The following NAALADL1 variants were observed in gnomAD, a reference collection of about 807,000 sequenced individuals.
The protein encoded by NAALADL1 is aminopeptidase NAALADL1.
NAALADL1 carries 77 observed loss-of-function variants against 82.8 expected under a neutral mutation model. That is an observed-to-expected ratio of 0.93 (90% CI 0.77 to 1.12). The LOEUF (loss-of-function observed/expected upper bound fraction) is 1.12. Among genes scored for constraint, NAALADL1 ranks in the 50% most tolerant of loss-of-function variants. The probability of loss-of-function intolerance (pLI) is 0.00; values close to 1 mark genes in which losing one functional copy is unlikely to be tolerated. For synonymous variants in NAALADL1, 358 were observed against 399.2 expected (o/e 0.90, Z 1.23); for missense variants, 956 against 964.0 (o/e 0.99, Z 0.11).
At chr11:65,047,364 G>A in intron 13 of NAALADL1, 111 bp downstream of exon 13, 1 of 857,108 alleles carries the variant, frequency 1.2e-6, no homozygotes, top group Non-Finnish European at 1.8e-6. Context: ...ACTTGGCAGA[G>A]GTAGCAATGA....
Position 65,044,994 on chromosome 11 carries a change from C to A in NAALADL1, c.*277G>T. The A allele has an allele frequency of 1.6e-6, 1 of 609,012 alleles. No homozygotes were observed. The highest frequency in any genetic ancestry group is 2.9e-6 in the Non-Finnish European group (1 of 350,506). 37.7% of individuals were successfully genotyped at this position (609,012 alleles called of 1,614,324 possible). ...TGAGTTGGCATCTGAGGTTGGCACG[C>A]ATCCCATCTCCACCCACCTGCCACC... On this transcript the variant is annotated 3_prime_UTR_variant, in exon 18 of 18. Coordinates refer to ENST00000358658, the MANE Select transcript of NAALADL1 (RefSeq NM_005468.3). This position sits in a 1 kb window ranked among gnomAD's most constrained non-coding sequence, Gnocchi z 4.0.
intron 8 of NAALADL1, among the ~76,000 whole-genome samples, chr11:65,049,729 G>T (rs1946834976): frequency 6.6e-6 from 1 of 152,078 alleles, no homozygotes; most frequent in South Asian, 2.1e-4. Context: ...AAAGTATCAG[G>T]GCTTGGTGGC....
At chr11:65,048,406 G>T (rs1328710384) in intron 8 of NAALADL1, 21 bp from the exon 9 acceptor site, 2 of 1,613,820 alleles carry the variant, frequency 1.2e-6, no homozygotes, top group South Asian at 2.2e-5. Flanking sequence ...GGGATAGAGG[G>T]TTGGAGGACA....
chr11:65,053,994 A>G lies in NAALADL1; in HGVS notation c.992+256T>C, dbSNP rs530972811. On this transcript the variant is annotated intron_variant, in intron 6 of 17. Coordinates refer to ENST00000358658, the MANE Select transcript of NAALADL1 (RefSeq NM_005468.3). This position sits in a 1 kb window ranked among gnomAD's most constrained non-coding sequence, Gnocchi z 4.3. Reference sequence around the variant, plus strand: ...TGGGAAGGAGCTTGGCATCTTCAAGAGAGGGAGTCGTGAGTTACAGACGTC... The same window carrying G: ...TGGGAAGGAGCTTGGCATCTTCAAGGGAGGGAGTCGTGAGTTACAGACGTC... 6.6e-6 allele frequency among the ~76,000 whole-genome samples: 1 copy of G among 152,116 alleles called. No individual in the cohort carries two copies. The highest frequency in any genetic ancestry group is 2.1e-4 in the South Asian group (1 of 4,806).
At chr11:65,045,570 C>T (rs765813384) in intron 17 of NAALADL1, 113 bp from the exon 18 acceptor site, 192 of 1,176,874 alleles carry the variant, frequency 1.6e-4, no homozygotes, top group Middle Eastern at 2.9e-4. Flanking sequence ...AAAGCACCCC[C>T]GTCCACTTGT....
intron 17 of NAALADL1, 119 bp downstream of exon 17, chr11:65,045,703 C>T: frequency 9.4e-7 from 1 of 1,063,196 alleles, no homozygotes; most frequent in Non-Finnish European, 1.4e-6. Context: ...ACATTCCCAT[C>T]TTCTTCAGGG....
rs1475695650 is a variant in NAALADL1 at position 65,046,361 on chromosome 11, G to A, written c.1683C>T (p.Gly561=). ...FDYVDKFLDP[G]FSSHQAVART... is the part of the protein sequence containing the mutation. ...GGGCCACAGCCTGATGGCTGCTGAA[G>A]CCTGCGGCAAGGTGACAAGGCCAGG... The change falls in exon 15 of 18, where the codon GGC becomes GGT. Residue 561 remains glycine (G), a splice_region_variant and synonymous_variant. Coordinates refer to ENST00000358658, the MANE Select transcript of NAALADL1 (RefSeq NM_005468.3). The A allele has an allele frequency of 6.2e-7, 1 of 1,614,124 alleles. No homozygotes were observed. Among genetic ancestry groups the A allele is most frequent in the Non-Finnish European group, 8.5e-7 (1 of 1,180,054 alleles).
Position 65,053,101 on chromosome 11 carries a change from C to T in NAALADL1, c.1198+117G>A. 7.7e-7 allele frequency: 1 copy of T among 1,304,816 alleles called. No homozygotes were observed. Among genetic ancestry groups the T allele is most frequent in the East Asian group, 2.5e-5 (1 of 39,616 alleles). 80.8% of individuals were successfully genotyped at this position (1,304,816 alleles called of 1,614,324 possible). A position where few individuals can be genotyped will look rare whatever the true frequency, so the allele number is the denominator to read the frequency against. On this transcript the variant is annotated intron_variant, in intron 8 of 17. Transcript: ENST00000358658. This position sits in a 1 kb window ranked among gnomAD's most constrained non-coding sequence, Gnocchi z 4.3. ...CCAAGGCTGGTGTCATGCATGTCTG[C>T]CCCCAGGGCCCTCAGGCATGGCACA...
In NAALADL1 at chr11:65,054,577, G is replaced by T. The variant is rs771771924; in HGVS notation, c.765C>A (p.Asp255Glu). 6.2e-7 allele frequency: 1 copy of T among 1,613,776 alleles called. No homozygotes were observed. Among genetic ancestry groups the T allele is most frequent in the East Asian group, 2.2e-5 (1 of 44,866 alleles). The change falls in exon 5 of 18, where the codon GAC (aspartate) becomes GAA (glutamate). Residue 255 changes from aspartate to glutamate, a missense_variant. Asp to Glu is a conservative substitution (Grantham distance 45, BLOSUM62 2). Transcript: ENST00000358658. The surrounding 1 kb of genome is among the most constrained non-coding windows in gnomAD (Gnocchi z 4.3). ...CGGCTGGAAGGTAGGGAGTCAGAGG[G>T]TCCCCAAAATACTCGTAGTAGGAGC... ...ERGSYYEYFG[D>E]PLTPYLPAVP...
At chr11:65,060,974 G>T (rs1188902601), upstream of NAALADL1, among the ~76,000 whole-genome samples, 1 of 151,944 alleles carries the variant, frequency 6.6e-6, no homozygotes, top group Non-Finnish European at 1.5e-5. Context: ...ACTTGCCTCC[G>T]TCCCACCCTC....
Position 65,057,457 on chromosome 11 carries a change from C to G in NAALADL1, c.517G>C (p.Asp173His), listed in dbSNP as rs1387054161. The G allele has an allele frequency of 6.2e-7, 1 of 1,614,192 alleles. No individual in the cohort carries two copies. Among genetic ancestry groups the G allele is most frequent in the Non-Finnish European group, 8.5e-7 (1 of 1,180,024 alleles). Residue 173 changes from aspartate to histidine, a missense_variant, in exon 4 of 18, where the codon GAC becomes CAC. Physicochemically the swap from Asp to His is moderately conservative, Grantham distance 81. Transcript: ENST00000358658. ...CCCTGAGTCTGTAGCTCCTTAAAGT[C>G]TTCTTCCGCGCCCCGGTTGGCATAG... ...LVYANRGAEE[D>H]FKELQTQGIK...
chr11:65,054,611 A>T lies in NAALADL1; in HGVS notation c.731T>A (p.Val244Glu). 1 of 1,613,770 alleles carries T rather than the reference A, an allele frequency of 6.2e-7. No individual in the cohort carries two copies. The highest frequency in any genetic ancestry group is 8.5e-7 in the Non-Finnish European group (1 of 1,179,872). Residue 244 changes from valine to glutamate, a missense_variant, in exon 5 of 18, where the codon GTG becomes GAG. Transcript: ENST00000358658. This position sits in a 1 kb window ranked among gnomAD's most constrained non-coding sequence, Gnocchi z 4.3. ...ATACTCGTAGTAGGAGCCTCGCTCC[A>T]CTCCTGAGGGGGGCAGGTACCAGGA... ...PNSWYLPPSG[V>E]ERGSYYEYFG... is the part of the protein sequence containing the mutation.
chr11:65,057,365 A>C lies in NAALADL1; in HGVS notation c.603+6T>G, dbSNP rs200575617. 8.6e-5 allele frequency: 138 copies of C among 1,602,308 alleles called. No individual in the cohort carries two copies. Among genetic ancestry groups the C allele is most frequent in the Non-Finnish European group, 1.1e-4 (134 of 1,174,662 alleles). On this transcript the variant is annotated splice_donor_region_variant and intron_variant, in intron 4 of 17. Transcript: ENST00000358658. ...AGGCCTCCTGCACTGGGGGACTGCC[A>C]CTCACCTTGGCCCCACGCCCTACAC...
rs1217428770 is a variant in NAALADL1 at position 65,044,904 on chromosome 11, A to G, written c.*367T>C. On this transcript the variant is annotated 3_prime_UTR_variant, in exon 18 of 18. Coordinates refer to ENST00000358658, the MANE Select transcript of NAALADL1 (RefSeq NM_005468.3). The surrounding 1 kb of genome is among the most constrained non-coding windows in gnomAD (Gnocchi z 4.0). ...ACACAGCATGCAGGGAGAGGAACGC[A>G]GACTAGCCAAGGCCTAAGGTACCCC... 2 of 747,364 alleles carry G rather than the reference A, an allele frequency of 2.7e-6. No homozygotes were observed. The highest frequency in any genetic ancestry group is 3.5e-5 in the African/African-American group (2 of 56,620). 46.3% of individuals were successfully genotyped at this position (747,364 alleles called of 1,614,324 possible).
In NAALADL1 at chr11:65,057,750, G is replaced by A. The variant is rs769003871; in HGVS notation, c.480+125C>T. On this transcript the variant is annotated intron_variant, in intron 3 of 17. Transcript: ENST00000358658. ...GAAAGGAGCAGCGATGGAGTGTCCC[G>A]GTGAGTAAATTCCGGAGGGCGCGCT... 9.9e-5 allele frequency: 141 copies of A among 1,426,846 alleles called. 2 individuals are homozygous for A. In the Admixed American group the frequency reaches 1.4e-3, roughly 15 times the overall value. 88.4% of individuals were successfully genotyped at this position (1,426,846 alleles called of 1,614,324 possible).
chr11:65,050,558 A>G (rs1010198196), intron 8 of NAALADL1, among the ~76,000 whole-genome samples: 90 of 151,470 alleles, frequency 5.9e-4, no homozygotes, highest in African/African-American at 2.0e-3. Context: ...GGAAGGCCAG[A>G]GCGGGTGGAT....
rs780618888 is a variant in NAALADL1 at position 65,057,392 on chromosome 11, C to A, written c.582G>T (p.Gly194=). 49 of 1,613,906 alleles carry A rather than the reference C, an allele frequency of 3.0e-5. No individual in the cohort carries two copies. The highest frequency in any genetic ancestry group is 4.0e-5 in the Non-Finnish European group (47 of 1,179,866). ...TCACCTTGGCCCCACGCCCTACACC[C>A]CCATATCGAGTCAGGGCAATGGTGC... The part of the protein sequence containing the change: ...LEGTIALTRY[G]GVGRGAKAVN... Residue 194 remains glycine, a synonymous_variant, in exon 4 of 18, where the codon GGG becomes GGT. Coordinates refer to ENST00000358658, the MANE Select transcript of NAALADL1 (RefSeq NM_005468.3).
chr11:65,045,808 T>G lies in NAALADL1; in HGVS notation c.2036+14A>C, dbSNP rs774587961. On this transcript the variant is annotated intron_variant, in intron 17 of 17. Coordinates refer to ENST00000358658, the MANE Select transcript of NAALADL1 (RefSeq NM_005468.3). ...CACCTGGAGGCACCTCCCAGGACTC[T>G]GGGACAGACTCACCTGTAGTAGCGT... 14 of 1,613,222 alleles carry G rather than the reference T, an allele frequency of 8.7e-6. No homozygotes were observed. In the South Asian group the frequency reaches 1.5e-4, roughly 18 times the overall value.
At position 65,058,033 on chromosome 11, in the gene NAALADL1, C is replaced by T. The variant is rs1428838443; in HGVS notation, c.359-37G>A. On this transcript the variant is annotated intron_variant, in intron 2 of 17. Transcript: ENST00000358658. ...GTGGCAGTATCATGGCTGGGCCCAG[C>T]AGCTCCCCACCCCCGGGCATTCCCA... 3.1e-6 allele frequency: 5 copies of T among 1,613,420 alleles called. 1 individual carries two copies. The highest frequency in any genetic ancestry group is 4.2e-6 in the Non-Finnish European group (5 of 1,179,508).
Sources: gnomAD v4.1 joint callset for allele counts (sites outside exome capture counted in the v4.1 genomes callset) on GRCh38, gnomAD v4.1.1 for gene constraint, Gnocchi (gnomAD v3.1) non-coding constraint, MANE v1.5 for transcripts, NCBI Gene and HGNC (gene_info 2026-07-23, HGNC 2026-07-21) for gene names.